The following ACOT7 variants were observed in gnomAD, a reference collection of about 807,000 sequenced individuals.
ACOT7 encodes the protein cytosolic acyl coenzyme A thioester hydrolase.
Under a neutral mutation model 40.2 loss-of-function variants are expected in ACOT7, and 12 were observed. That is an observed-to-expected ratio of 0.30 (90% confidence interval 0.19 to 0.48). The LOEUF is 0.48. Among genes scored for constraint, ACOT7 ranks in the 20% least tolerant of loss-of-function variants. The pLI is 0.99. For missense variants in ACOT7, 395 were observed against 530.8 expected (o/e 0.74, Z 2.51); for synonymous variants, 228 against 219.5 (o/e 1.04, Z -0.34).
At chr1:6,279,044 G>A (rs767238637) in intron 8 of ACOT7, among the ~76,000 whole-genome samples, 6 of 152,346 alleles carry the variant, frequency 3.9e-5, no homozygotes, top group Non-Finnish European at 8.8e-5. Flanking sequence ...GCTGAAAAGC[G>A]TCATGGGAGG....
In ACOT7 at chr1:6,274,098, G is replaced by A. The variant is rs1276554573; in HGVS notation, c.1014+7004C>T. On this transcript the variant is annotated intron_variant, in intron 8 of 8. Coordinates refer to ENST00000361521, the MANE Select transcript of ACOT7 (RefSeq NM_007274.4). This position sits in a 1 kb window ranked among gnomAD's most constrained non-coding sequence, Gnocchi z 5.9. The stretch of plus-strand genomic sequence containing the variant: ...AGGACCCCAGGCCCCTCTGCACACC[G>A]TGCCTGGGGGTCAGGCAGGTCCTGG... Among the ~76,000 whole-genome samples the A allele has an allele frequency of 1.3e-5, 2 of 152,182 alleles. No individual in the cohort carries two copies. The highest frequency in any genetic ancestry group is 1.5e-5 in the Non-Finnish European group (1 of 68,024).
intron 2 of ACOT7, among the ~76,000 whole-genome samples, chr1:6,342,209 CGT>C (rs768490672): frequency 1.1e-4 from 17 of 152,196 alleles, no homozygotes; most frequent in South Asian, 6.2e-4. Context: ...CAGTGCTTCT[CGT>C]GTGTCCTCAC....
chr1:6,379,643 G>A lies in ACOT7; in HGVS notation c.143+13614C>T, dbSNP rs559556822. On this transcript the variant is annotated intron_variant, in intron 1 of 8. Transcript: ENST00000361521. ...CACACCTGGCTAACTTTTTTAATTT[G>A]TAGAGATGGGGTCTTCCTATGTTGC... 2.9e-4 allele frequency among the ~76,000 whole-genome samples: 44 copies of A among 151,496 alleles called. 1 individual carries two copies. The South Asian group carries it at 8.2e-3, about 28-fold the overall frequency.
chr1:6,295,066 CT>C, intron 6 of ACOT7, 86 bp from the exon 7 acceptor site: 1 of 1,070,528 alleles, frequency 9.3e-7, no homozygotes. Context: ...AACTCGAGCC[CT>C]CCCCTCCCAC....
chr1:6,354,773 GCCCCCCCATGGCCTCTACACTGGCCTCTA>G (rs1641697191), intron 1 of ACOT7, among the ~76,000 whole-genome samples: 1 of 62,314 alleles, frequency 1.6e-5, no homozygotes, highest in African/African-American at 6.7e-5. Flanking sequence ...CTGGCCTCTA[GCCCCCCCATGGCCTCTACACTGGCCTCTA>G]GCCCTCCCAT....
At chr1:6,367,796 C>T (rs1642047188) in intron 1 of ACOT7, among the ~76,000 whole-genome samples, 1 of 152,196 alleles carries the variant, frequency 6.6e-6, no homozygotes, top group Non-Finnish European at 1.5e-5. Context: ...CATGTTTCAG[C>T]CCTGTTTGTG....
chr1:6,339,446 T>C lies in ACOT7; in HGVS notation c.405A>G (p.Glu135=). 1.2e-6 allele frequency: 2 copies of C among 1,613,312 alleles called. No individual in the cohort carries two copies. The highest frequency in any genetic ancestry group is 1.7e-6 in the Non-Finnish European group (2 of 1,180,012). Residue 135 remains glutamate, a synonymous_variant, in exon 3 of 9, where the codon GAA becomes GAG. Coordinates refer to ENST00000361521, the MANE Select transcript of ACOT7 (RefSeq NM_007274.4). ...TCCCAGAAGTACCTGTGAGGATGTTTTCGGACATCACGTTGACCTGCACCT... is the reference window on the plus strand; with the variant it reads ...TCCCAGAAGTACCTGTGAGGATGTTCTCGGACATCACGTTGACCTGCACCT... ...SVEVQVNVMS[E]NILTGAKKLT... is the part of the protein sequence containing the mutation.
At chr1:6,304,317 CAAAAAAA>C (rs112875652) in intron 6 of ACOT7, among the ~76,000 whole-genome samples, 2 of 110,942 alleles carry the variant, frequency 1.8e-5, no homozygotes, top group East Asian at 6.2e-4. Context: ...AATGTGGCAC[CAAAAAAA>C]AAAAAAAAAG....
At chr1:6,265,563 C>T (rs1301189127) in intron 8 of ACOT7, among the ~76,000 whole-genome samples, 3 of 152,148 alleles carry the variant, frequency 2.0e-5, no homozygotes, top group African/African-American at 2.4e-5. Flanking sequence ...CAGGACGGTC[C>T]TGGTTCATGC....
At position 6,282,766 on chromosome 1, in the gene ACOT7, G is replaced by A; in HGVS notation, c.830-1480C>T. On this transcript the variant is annotated intron_variant, in intron 7 of 8. Transcript: ENST00000361521. The surrounding 1 kb of genome is among the most constrained non-coding windows in gnomAD (Gnocchi z 4.5). ...AGTGCTGGGAGAGGAGGAAGGAGCTGTGTGGTCAGCGCCAGCAGGCATTAC... is the reference window on the plus strand; with the variant it reads ...AGTGCTGGGAGAGGAGGAAGGAGCTATGTGGTCAGCGCCAGCAGGCATTAC... The A allele has an allele frequency of 1.5e-6, 2 of 1,304,290 alleles. No homozygotes were observed. The highest frequency in any genetic ancestry group is 2.0e-6 in the Non-Finnish European group (2 of 988,968). 80.8% of individuals were successfully genotyped at this position (1,304,290 alleles called of 1,614,324 possible).
rs536628224 is a variant in ACOT7 at position 6,330,734 on chromosome 1, G to A, written c.510+2743C>T. On this transcript the variant is annotated intron_variant, in intron 4 of 8. Coordinates refer to ENST00000361521, the MANE Select transcript of ACOT7 (RefSeq NM_007274.4). This position sits in a 1 kb window ranked among gnomAD's most constrained non-coding sequence, Gnocchi z 4.6. Reference sequence around the variant, plus strand: ...GAGCCAGGGGAGTCAGAAGCTACCCGTCCCCTCCACTGGCCAAAAACCCAA... The same window carrying A: ...GAGCCAGGGGAGTCAGAAGCTACCCATCCCCTCCACTGGCCAAAAACCCAA... Among the ~76,000 whole-genome samples the A allele has an allele frequency of 6.5e-4, 99 of 152,200 alleles. 1 individual carries two copies. Among genetic ancestry groups the A allele is most frequent in the African/African-American group, 2.2e-3 (91 of 41,524 alleles).
chr1:6,334,166 C>T (rs1048123655), intron 3 of ACOT7, among the ~76,000 whole-genome samples: 3 of 152,294 alleles, frequency 2.0e-5, no homozygotes, highest in Non-Finnish European at 4.4e-5. Flanking sequence ...TCGTTCTGCC[C>T]GGGGACACGA....
At chr1:6,357,350 C>T (rs547228034) in intron 1 of ACOT7, among the ~76,000 whole-genome samples, 5 of 152,356 alleles carry the variant, frequency 3.3e-5, no homozygotes, top group African/African-American at 4.8e-5. Flanking sequence ...AAAGTGCCCA[C>T]CTGAAGGTGC....
chr1:6,283,821 A>G (rs1639423280), intron 7 of ACOT7, among the ~76,000 whole-genome samples: 1 of 152,208 alleles, frequency 6.6e-6, no homozygotes, highest in African/African-American at 2.4e-5. Context: ...AGCAGGACAA[A>G]GTGAAATACT....
chr1:6,356,726 G>A (rs1641754191), intron 1 of ACOT7, among the ~76,000 whole-genome samples: 1 of 151,914 alleles, frequency 6.6e-6, no homozygotes, highest in Non-Finnish European at 1.5e-5. Context: ...AGACCAGGCT[G>A]GCCAACATGG....
At chr1:6,317,728 CT>C (rs988852778) in intron 6 of ACOT7, among the ~76,000 whole-genome samples, 16,716 of 135,770 alleles carry the variant, frequency 0.12, 1,606 homozygotes, top group African/African-American at 0.29. Context: ...CAGAGTCTTT[CT>C]TTTTTTTTTT....
intron 1 of ACOT7, among the ~76,000 whole-genome samples, chr1:6,387,743 C>A (rs1642462461): frequency 6.6e-6 from 1 of 152,156 alleles, no homozygotes; most frequent in African/African-American, 2.4e-5. Context: ...GCTAAGTGGC[C>A]CACTTACAGC....
chr1:6,296,242 C>T (rs578196586), intron 6 of ACOT7, among the ~76,000 whole-genome samples: 3 of 152,240 alleles, frequency 2.0e-5, no homozygotes, highest in East Asian at 1.9e-4. Context: ...ATCGTCAGTA[C>T]AGCTGTTATA....
chr1:6,345,932 A>G (rs1369626198), intron 2 of ACOT7, among the ~76,000 whole-genome samples: 1 of 152,232 alleles, frequency 6.6e-6, no homozygotes, highest in Non-Finnish European at 1.5e-5. Flanking sequence ...AGCTCCCAGC[A>G]TTCATCAGAT....
Sources: gnomAD v4.1 joint callset for allele counts (sites outside exome capture counted in the v4.1 genomes callset) on GRCh38, gnomAD v4.1.1 for gene constraint, Gnocchi (gnomAD v3.1) non-coding constraint, MANE v1.5 for transcripts, NCBI Gene and HGNC (gene_info 2026-07-23, HGNC 2026-07-21) for gene names.